The following RBFOX2 variants were observed in gnomAD, a reference collection of about 807,000 sequenced individuals.
RBFOX2 encodes RNA binding protein fox-1 homolog 2.
Under a neutral mutation model 49.1 loss-of-function variants are expected in RBFOX2, and 10 were observed. The ratio of observed to expected loss-of-function variants is 0.20; its 90% CI spans 0.13 to 0.35. The LOEUF (loss-of-function observed/expected upper bound fraction) is 0.35, where lower values mean the gene tolerates loss of function less well. Ranked by LOEUF, RBFOX2 falls within the 10% of genes least tolerant of loss-of-function variation. The probability of loss-of-function intolerance (pLI) is 1.00; values close to 1 mark genes in which losing one functional copy is unlikely to be tolerated. For missense variants in RBFOX2, 323 were observed against 486.9 expected (o/e 0.66, Z 3.17); for synonymous variants, 183 against 187.4 (o/e 0.98, Z 0.19).
At chr22:35,845,996 T>C (rs901963966) in intron 1 of RBFOX2, among the ~76,000 whole-genome samples, 5 of 146,300 alleles carry the variant, frequency 3.4e-5, no homozygotes, top group Non-Finnish European at 6.1e-5. Flanking sequence ...ATATAAATTA[T>C]ATAAACTTGC....
At chr22:35,846,328 A>AG (rs2041197099) in intron 1 of RBFOX2, among the ~76,000 whole-genome samples, 1 of 105,272 alleles carries the variant, frequency 9.5e-6, no homozygotes. Context: ...AAATTTATAT[A>AG]GTTGTGTGTG....
chr22:35,898,717 A>G (rs982824558), intron 1 of RBFOX2, among the ~76,000 whole-genome samples: 4 of 152,086 alleles, frequency 2.6e-5, no homozygotes, highest in African/African-American at 9.7e-5. Context: ...ATGAGCCACC[A>G]TGACCACTGG....
intron 1 of RBFOX2, among the ~76,000 whole-genome samples, chr22:35,926,123 G>A (rs1161016681): frequency 1.3e-5 from 2 of 152,162 alleles, no homozygotes; most frequent in African/African-American, 2.4e-5. Flanking sequence ...TACTTAATTA[G>A]TTGGTTTCAT....
chr22:35,800,420 A>T (rs1949557249), intron 2 of RBFOX2, among the ~76,000 whole-genome samples: 1 of 152,194 alleles, frequency 6.6e-6, no homozygotes, highest in Non-Finnish European at 1.5e-5. Context: ...TTCCCAATTT[A>T]TACTCAACTG....
intron 1 of RBFOX2, among the ~76,000 whole-genome samples, chr22:35,906,008 T>C (rs986061761): frequency 6.6e-6 from 1 of 152,222 alleles, no homozygotes; most frequent in Non-Finnish European, 1.5e-5. Context: ...CTGTACCATA[T>C]ATAATATATA....
rs56137825 is a variant in RBFOX2 at position 35,875,607 on chromosome 22, GGTGTGTGTGTGTGT to G, written c.-34+63226_-34+63239del. Among the ~76,000 whole-genome samples the G allele has an allele frequency of 4.1e-3, 481 of 117,712 alleles. 2 individuals carry two copies. The highest frequency in any genetic ancestry group is 0.011 in the Admixed American group (120 of 11,304). The allele number at this position is 117,712 out of a possible 152,430, so 77.2% of individuals were successfully genotyped here. A position where few individuals can be genotyped will look rare whatever the true frequency, so the allele number is the denominator to read the frequency against. On this transcript the variant is annotated intron_variant, in intron 1 of 13. Coordinates refer to the RBFOX2 transcript ENST00000359369. ...CTGCGAATTAATAAATGCTCACAAG[GGTGTGTGTGTGTGT>G]GTGTGTGTGTGTGTGTGTGTGTGTG...
rs374329830 is a variant in RBFOX2, at chr22:35,936,124, A to G, written c.-34+2723T>C. Among the ~76,000 whole-genome samples, 203 of 151,868 alleles carry G rather than the reference A, an allele frequency of 1.3e-3. 1 individual carries two copies. Among genetic ancestry groups the G allele is most frequent in the Admixed American group, 4.7e-3 (71 of 15,254 alleles). ...CTACTCAGGAGGCTGAGGTGGGAGA[A>G]TCACTTGCACCCCAGGGGTCAAGGC... is the stretch of plus-strand genomic sequence containing the variant. On this transcript the variant is annotated intron_variant, in intron 1 of 13. Transcript: ENST00000359369.
chr22:35,841,836 T>C (rs1224444877), upstream of RBFOX2, among the ~76,000 whole-genome samples: 2 of 152,182 alleles, frequency 1.3e-5, no homozygotes, highest in South Asian at 2.1e-4. Context: ...ACACTGAGAA[T>C]ACATAGTTTT....
At chr22:36,002,223 G>A (rs2058455744) in intron 1 of RBFOX2, among the ~76,000 whole-genome samples, 1 of 152,166 alleles carries the variant, frequency 6.6e-6, no homozygotes, top group Non-Finnish European at 1.5e-5. Flanking sequence ...GTTAAAATGT[G>A]CAGACCCTTA....
intron 2 of RBFOX2, among the ~76,000 whole-genome samples, chr22:35,793,440 A>G (rs62232591): frequency 6.6e-6 from 1 of 152,222 alleles, no homozygotes; most frequent in Non-Finnish European, 1.5e-5. Context: ...AACTTGGTGG[A>G]ATTAGATCAT....
chr22:35,899,848 C>T (rs2048353533), intron 1 of RBFOX2, among the ~76,000 whole-genome samples: 1 of 152,128 alleles, frequency 6.6e-6, no homozygotes, highest in Non-Finnish European at 1.5e-5. Flanking sequence ...TCTGTTAGTT[C>T]AGAGGAGAGA....
chr22:35,792,173 T>C (rs1024957501), intron 2 of RBFOX2, among the ~76,000 whole-genome samples: 9 of 151,532 alleles, frequency 5.9e-5, no homozygotes, highest in Middle Eastern at 3.2e-3. Flanking sequence ...AAAAATTAGG[T>C]AGGCGTGGCA....
intron 1 of RBFOX2, among the ~76,000 whole-genome samples, chr22:35,860,161 T>G (rs190590040): frequency 6.6e-6 from 1 of 152,312 alleles, no homozygotes; most frequent in East Asian, 1.9e-4. Context: ...GTCTTAGCTT[T>G]GTGACTCACA....
intron 1 of RBFOX2, among the ~76,000 whole-genome samples, chr22:35,907,188 A>T (rs550881215): frequency 6.6e-6 from 1 of 152,288 alleles, no homozygotes; most frequent in Non-Finnish European, 1.5e-5. Flanking sequence ...ACAAAACCCC[A>T]GTTTTCATTT....
Position 35,936,461 on chromosome 22 carries a change from G to A in RBFOX2, c.-34+2386C>T, listed in dbSNP as rs146539614. 1.9e-4 allele frequency among the ~76,000 whole-genome samples: 29 copies of A among 152,130 alleles called. No homozygotes were observed. The East Asian group carries it at 5.2e-3, about 27-fold the overall frequency. ...AAAGTGAGAGTTCACAAGGTTAGGC[G>A]CATTAATTAGCAGTACTCATTTGGA... On this transcript the variant is annotated intron_variant, in intron 1 of 13. Transcript: ENST00000359369.
At chr22:36,014,734 G>A (rs745740781) in intron 1 of RBFOX2, among the ~76,000 whole-genome samples, 3 of 152,004 alleles carry the variant, frequency 2.0e-5, no homozygotes, top group African/African-American at 7.3e-5. Flanking sequence ...AGAAAGAAAC[G>A]CAGAGTAAGC....
At chr22:35,877,781 C>T (rs187024973) in intron 1 of RBFOX2, among the ~76,000 whole-genome samples, 3 of 151,968 alleles carry the variant, frequency 2.0e-5, no homozygotes, top group East Asian at 1.9e-4. Flanking sequence ...CTGGTCCCTG[C>T]GATGTGAGAG....
At chr22:36,000,918 G>T (rs894291316) in intron 1 of RBFOX2, among the ~76,000 whole-genome samples, 4 of 152,070 alleles carry the variant, frequency 2.6e-5, no homozygotes, top group Non-Finnish European at 5.9e-5. Context: ...TCTTTACACT[G>T]TTACAGATCA....
At chr22:35,742,126 T>A (rs2145667641) in exon 12 of RBFOX2, 1 of 152,314 alleles carries the variant, frequency 6.6e-6, no homozygotes. Context: ...ACAAAAATTG[T>A]CTTAACAGCA....
Sources: allele counts gnomAD v4.1 joint callset (sites outside exome capture counted in the v4.1 genomes callset), GRCh38; gene constraint gnomAD v4.1.1; transcripts MANE v1.5; gene names NCBI Gene and HGNC (gene_info 2026-07-23, HGNC 2026-07-21).